The following RABGAP1L variants were observed in gnomAD, a reference collection of about 807,000 sequenced individuals.
RABGAP1L encodes rab GTPase-activating protein 1-like.
A neutral mutation model predicts 137.7 loss-of-function variants in RABGAP1L; 63 were observed. The observed-to-expected ratio is 0.46, with a 90% CI of 0.37 to 0.56. RABGAP1L has a LOEUF of 0.56. Among genes scored for constraint, RABGAP1L ranks in the 20% least tolerant of loss-of-function variants. The pLI, the probability that RABGAP1L is intolerant of heterozygous loss-of-function variation, is 0.00. For missense variants in RABGAP1L, 1,095 were observed against 1,244.0 expected (o/e 0.88, Z 1.80); for synonymous variants, 431 against 433.7 (o/e 0.99, Z 0.08).
chr1:174,789,722 A>G (rs1411818320), intron 18 of RABGAP1L, among the ~76,000 whole-genome samples: 1 of 152,214 alleles, frequency 6.6e-6, no homozygotes, highest in Non-Finnish European at 1.5e-5. Flanking sequence ...GCTAAAGGAA[A>G]CAGAGGTTCT....
chr1:174,312,180 A>G (rs907577876), intron 11 of RABGAP1L, among the ~76,000 whole-genome samples: 10 of 152,208 alleles, frequency 6.6e-5, no homozygotes, highest in African/African-American at 1.9e-4. Context: ...ACTGTTCTAT[A>G]TAGTGGTTGT....
intron 18 of RABGAP1L, among the ~76,000 whole-genome samples, chr1:174,793,429 C>T (rs531077820): frequency 6.6e-6 from 1 of 152,328 alleles, no homozygotes; most frequent in Non-Finnish European, 1.5e-5. Context: ...CAATATTTTA[C>T]AGAGATGCTA....
At chr1:174,272,310 A>T (rs563974755) in intron 7 of RABGAP1L, 104 bp from the exon 8 acceptor site, 1 of 1,192,050 alleles carries the variant, frequency 8.4e-7, no homozygotes, top group Admixed American at 3.0e-5. Context: ...GCTTATAAAT[A>T]CAGAGCTCAG....
intron 17 of RABGAP1L, among the ~76,000 whole-genome samples, chr1:174,738,062 C>T (rs1048774375): frequency 4.6e-5 from 7 of 152,144 alleles, no homozygotes; most frequent in Admixed American, 1.3e-4. Context: ...CAGAAATCCC[C>T]ACCATGTTTG....
intron 13 of RABGAP1L, among the ~76,000 whole-genome samples, chr1:174,611,356 A>T (rs1344077358): frequency 1.3e-5 from 2 of 152,184 alleles, no homozygotes; most frequent in Admixed American, 6.5e-5. Context: ...GTCAAAAATC[A>T]GATAGTTGTA....
chr1:174,377,804 C>CT (rs1168305150), intron 12 of RABGAP1L, among the ~76,000 whole-genome samples: 1 of 146,132 alleles, frequency 6.8e-6, no homozygotes, highest in Admixed American at 6.8e-5. Flanking sequence ...TTTTATTATA[C>CT]TTTAAGTTTT....
rs1468874575 is a variant in RABGAP1L at position 174,221,074 on chromosome 1, A to G, written c.241A>G (p.Ser81Gly). 1 of 1,613,896 alleles carries G rather than the reference A, an allele frequency of 6.2e-7. No individual in the cohort carries two copies. Among genetic ancestry groups the G allele is most frequent in the Non-Finnish European group, 8.5e-7 (1 of 1,179,954 alleles). Residue 81 changes from serine (S) to glycine (G), a missense_variant, in exon 3 of 26, where the codon AGT becomes GGT. Ser to Gly is a moderately conservative substitution (Grantham distance 56). Around this residue, in one of 4 missense-constraint regions of RABGAP1L, gnomAD observed 356 missense variants for 326.3 expected, o/e 1.09. Coordinates refer to ENST00000681986, the MANE Select transcript of RABGAP1L (RefSeq NM_001366446.1). ...SSLLVDCQSS[S>G]EISDHSFGDI... is the part of the protein sequence containing the mutation. Reference sequence around the variant, plus strand: ...TCTTCTTGTTGATTGTCAAAGTTCCAGTGAGATTTCAGACCATTCGTTTGG... The same window carrying G: ...TCTTCTTGTTGATTGTCAAAGTTCCGGTGAGATTTCAGACCATTCGTTTGG...
chr1:174,838,917 C>CAAAAAAAAAAAAAAAAAAAAAAAAAAAAA lies in RABGAP1L; in HGVS notation c.2340+26966_2340+26994dup. Among the ~76,000 whole-genome samples the CAAAAAAAAAAAAAAAAAAAAAAAAAAAAA allele has an allele frequency of 8.9e-5, 2 of 22,454 alleles. 1 individual carries two copies. The highest frequency in any genetic ancestry group is 1.6e-4 in the Non-Finnish European group (2 of 12,676). 14.7% of individuals were successfully genotyped at this position (22,454 alleles called of 152,430 possible). On this transcript the variant is annotated intron_variant, in intron 19 of 25. Coordinates refer to ENST00000681986, the MANE Select transcript of RABGAP1L (RefSeq NM_001366446.1). ...TGGGCGACAAAGCGAGACTCCGTCT[C>CAAAAAAAAAAAAAAAAAAAAAAAAAAAAA]AAAAAAAAAAAAAAAAAAAAAAAAA...
intron 15 of RABGAP1L, among the ~76,000 whole-genome samples, chr1:174,699,266 G>A (rs898779667): frequency 3.9e-5 from 6 of 151,980 alleles, no homozygotes; most frequent in Admixed American, 2.0e-4. Flanking sequence ...GTGTGCTTTG[G>A]TTTTTTAATC....
At chr1:174,260,681 T>G (rs888961111) in intron 7 of RABGAP1L, among the ~76,000 whole-genome samples, 1 of 152,222 alleles carries the variant, frequency 6.6e-6, no homozygotes, top group Non-Finnish European at 1.5e-5. Context: ...ACAGAAATAT[T>G]GCAAAAGATT....
At chr1:174,213,268 T>C (rs1305251507) in intron 1 of RABGAP1L, among the ~76,000 whole-genome samples, 1 of 152,004 alleles carries the variant, frequency 6.6e-6, no homozygotes, top group African/African-American at 2.4e-5. Context: ...CTACTAAAAA[T>C]ACAAAAATTA....
intron 11 of RABGAP1L, among the ~76,000 whole-genome samples, chr1:174,357,063 A>T (rs1683706369): frequency 6.6e-6 from 1 of 152,172 alleles, no homozygotes. Flanking sequence ...AAACTGCAGT[A>T]GATGAGGAAA....
At chr1:174,862,774 T>A (rs1419650174) in intron 19 of RABGAP1L, among the ~76,000 whole-genome samples, 1 of 152,192 alleles carries the variant, frequency 6.6e-6, no homozygotes, top group African/African-American at 2.4e-5. Flanking sequence ...GACCTAGGTA[T>A]CTAGTAAAGG....
At chr1:174,778,441 G>A (rs1686704114) in intron 18 of RABGAP1L, among the ~76,000 whole-genome samples, 1 of 152,164 alleles carries the variant, frequency 6.6e-6, no homozygotes, top group Admixed American at 6.5e-5. Flanking sequence ...ATATGAATCT[G>A]CTCTATGCAA....
At chr1:174,886,372 T>C (rs1407080026) in intron 19 of RABGAP1L, among the ~76,000 whole-genome samples, 1 of 152,204 alleles carries the variant, frequency 6.6e-6, no homozygotes, top group Non-Finnish European at 1.5e-5. Context: ...AATCAAATTG[T>C]AGTACTCAAA....
intron 13 of RABGAP1L, among the ~76,000 whole-genome samples, chr1:174,559,001 AG>A (rs1223524055): frequency 1.3e-5 from 2 of 152,234 alleles, no homozygotes; most frequent in Admixed American, 6.5e-5. Context: ...TTATTGTCAG[AG>A]TAAGTTAAAA....
chr1:174,195,074 A>T (rs993508342), intron 1 of RABGAP1L, among the ~76,000 whole-genome samples: 1 of 152,190 alleles, frequency 6.6e-6, no homozygotes, highest in African/African-American at 2.4e-5. Flanking sequence ...AGTATATTAT[A>T]TGAGTGATCT....
At chr1:174,784,477 G>T (rs561581258) in intron 18 of RABGAP1L, among the ~76,000 whole-genome samples, 1 of 152,116 alleles carries the variant, frequency 6.6e-6, no homozygotes, top group East Asian at 1.9e-4. Context: ...CCTATATTGT[G>T]GTGGGAGGTG....
intron 23 of RABGAP1L, among the ~76,000 whole-genome samples, chr1:174,980,650 C>T (rs1200818938): frequency 1.3e-5 from 2 of 152,146 alleles, no homozygotes; most frequent in South Asian, 2.1e-4. Context: ...AGCAAAGGGA[C>T]GTTAGGGTCC....
Sources: gnomAD v4.1 joint callset for allele counts (sites outside exome capture counted in the v4.1 genomes callset) on GRCh38, gnomAD v4.1.1 for gene constraint, gnomAD v4.1.1 regional missense constraint, MANE v1.5 for transcripts, NCBI Gene and HGNC (gene_info 2026-07-23, HGNC 2026-07-21) for gene names.